ACOT11: variants seen among roughly 807,000 people sequenced by gnomAD.
The protein encoded by ACOT11 is acyl-coenzyme A thioesterase 11.
ACOT11 carries 69 observed loss-of-function variants against 77.5 expected under a neutral mutation model. The ratio of observed to expected loss-of-function variants is 0.89; its 90% CI spans 0.73 to 1.09. The LOEUF is 1.09. Ranked by LOEUF, ACOT11 falls within the 50% of genes least tolerant of loss-of-function variation. The probability of loss-of-function intolerance (pLI) is 0.00; values close to 1 mark genes in which losing one functional copy is unlikely to be tolerated. For missense variants in ACOT11, 766 were observed against 813.7 expected (o/e 0.94, Z 0.71); for synonymous variants, 279 against 313.0 (o/e 0.89, Z 1.15).
chr1:54,617,877 C>T (rs113785018), intron 15 of ACOT11, among the ~76,000 whole-genome samples: 1 of 151,714 alleles, frequency 6.6e-6, no homozygotes, highest in Non-Finnish European at 1.5e-5. Context: ...GTATGCACCA[C>T]CACCATGCAC....
At position 54,594,040 on chromosome 1, in the gene ACOT11, G is replaced by A; in HGVS notation, c.471+1G>A. 6.2e-7 allele frequency: 1 copy of A among 1,612,870 alleles called. No homozygotes were observed. Among genetic ancestry groups the A allele is most frequent in the South Asian group, 1.1e-5 (1 of 91,006 alleles). Reference sequence around the variant, plus strand: ...CGTGGCCCGCCGAGAGATCACCAAGGTAACTGGGTGCGCCTGGCTGCTGGA... The same window carrying A: ...CGTGGCCCGCCGAGAGATCACCAAGATAACTGGGTGCGCCTGGCTGCTGGA... On this transcript the variant is annotated splice_donor_variant, in intron 5 of 15. Transcript: ENST00000343744. LOFTEE classifies it high-confidence loss of function.
intron 16 of ACOT11, among the ~76,000 whole-genome samples, chr1:54,631,769 G>C (rs6692399): frequency 3.9e-3 from 593 of 152,210 alleles, no homozygotes; most frequent in Non-Finnish European, 6.5e-3. Flanking sequence ...TTTATAGCTC[G>C]GTTACAGGAG....
At chr1:54,620,014 G>A (rs61770426) in intron 15 of ACOT11, 2 of 1,612,944 alleles carry the variant, frequency 1.2e-6, no homozygotes, top group African/African-American at 1.3e-5. Flanking sequence ...CAGCCTGGAA[G>A]GAATCCCAAG....
At chr1:54,631,323 T>G (rs973791250) in intron 16 of ACOT11, among the ~76,000 whole-genome samples, 1 of 152,230 alleles carries the variant, frequency 6.6e-6, no homozygotes, top group Non-Finnish European at 1.5e-5. Context: ...CAGCTACATT[T>G]GAGCCTTTTC....
chr1:54,582,379 T>A, intron 1 of ACOT11: 2 of 928,102 alleles, frequency 2.2e-6, no homozygotes, highest in Non-Finnish European at 2.6e-6. Context: ...GATGTCCTCC[T>A]GTGTGCCAGG....
At chr1:54,632,612 A>G (rs1644305751) in intron 16 of ACOT11, among the ~76,000 whole-genome samples, 2 of 152,222 alleles carry the variant, frequency 1.3e-5, no homozygotes, top group Admixed American at 1.3e-4. Flanking sequence ...AAATTAAACG[A>G]ACAGGAGAAT....
At chr1:54,566,141 C>T (rs1279264735) in intron 1 of ACOT11, among the ~76,000 whole-genome samples, 1 of 152,140 alleles carries the variant, frequency 6.6e-6, no homozygotes, top group Non-Finnish European at 1.5e-5. Flanking sequence ...GCAGATTCCT[C>T]CTCCCCACGT....
At chr1:54,625,606 G>A (rs940841981) in intron 15 of ACOT11, among the ~76,000 whole-genome samples, 3 of 152,116 alleles carry the variant, frequency 2.0e-5, no homozygotes, top group Admixed American at 2.0e-4. Context: ...TTAAAGTCTA[G>A]AGGAAATTTC....
chr1:54,624,767 G>A (rs1234448714), intron 15 of ACOT11, among the ~76,000 whole-genome samples: 1 of 152,152 alleles, frequency 6.6e-6, no homozygotes, highest in Non-Finnish European at 1.5e-5. Context: ...GGAGGGCAGA[G>A]GTCAGAGCAG....
rs141768485 is a variant in ACOT11 at position 54,584,668 on chromosome 1, T to C, written c.47T>C (p.Val16Ala). 1 of 1,614,128 alleles carries C rather than the reference T, an allele frequency of 6.2e-7. No individual in the cohort carries two copies. Among genetic ancestry groups the C allele is most frequent in the Non-Finnish European group, 8.5e-7 (1 of 1,180,002 alleles). The change falls in exon 2 of 16, where the codon GTG becomes GCG. Residue 16 changes from valine to alanine, a missense_variant. Transcript: ENST00000343744. This position sits in a 1 kb window ranked among gnomAD's most constrained non-coding sequence, Gnocchi z 6.3. ...CCTGTACCCCAGGGCTTGGCCTCTG[T>C]GTTCTCCAACCGCACATCCCGGAAG... ...GNHLRRGLAS[V>A]FSNRTSRKSA...
rs1236295609 is a variant in ACOT11 at position 54,561,940 on chromosome 1, G to A, written c.33+13598G>A. ...CCCCCCCCCCACCTCCCTCCCGGAC[G>A]GGGCGGCTGGCCGGGCAGAGGGGCT... On this transcript the variant is annotated intron_variant, in intron 1 of 15. Coordinates refer to ENST00000343744, the MANE Select transcript of ACOT11 (RefSeq NM_147161.4). 2.1e-4 allele frequency among the ~76,000 whole-genome samples: 19 copies of A among 92,032 alleles called. 1 individual carries two copies. The highest frequency in any genetic ancestry group is 1.0e-3 in the African/African-American group (14 of 13,940). The allele number at this position is 92,032 out of a possible 152,430, so 60.4% of individuals were successfully genotyped here. A position where few individuals can be genotyped will look rare whatever the true frequency, so the allele number is the denominator to read the frequency against.
chr1:54,626,283 G>C (rs1042977179), intron 15 of ACOT11, among the ~76,000 whole-genome samples: 1 of 151,488 alleles, frequency 6.6e-6, no homozygotes, highest in East Asian at 1.9e-4. Flanking sequence ...AAAAAGAAAA[G>C]AAAAAAGAGA....
intron 3 of ACOT11, among the ~76,000 whole-genome samples, chr1:54,591,055 T>C (rs1028795089): frequency 6.6e-6 from 1 of 150,958 alleles, no homozygotes; most frequent in Non-Finnish European, 1.5e-5. Context: ...ATACACTTTC[T>C]CTCTCTCTCT....
chr1:54,623,476 G>A (rs1041768971), intron 15 of ACOT11: 8 of 1,036,026 alleles, frequency 7.7e-6, no homozygotes, highest in South Asian at 4.1e-5. Context: ...TCCTGTGGGA[G>A]GCAGGAGCTC....
chr1:54,563,114 C>T (rs35166214), intron 1 of ACOT11, among the ~76,000 whole-genome samples: 24,737 of 151,804 alleles, frequency 0.16, 2,446 homozygotes, highest in South Asian at 0.22. Flanking sequence ...CGCTGCCTCC[C>T]GGGCGGCGCT....
intron 15 of ACOT11, among the ~76,000 whole-genome samples, chr1:54,627,287 C>T (rs966234982): frequency 7.4e-6 from 1 of 134,682 alleles, no homozygotes; most frequent in African/African-American, 2.5e-5. Context: ...GGAAAGAGGC[C>T]GGCGAGCCGA....
In ACOT11 at chr1:54,584,900, C is replaced by T. The variant is rs74071863; in HGVS notation, c.241+38C>T. 2 of 1,581,052 alleles carry T rather than the reference C, an allele frequency of 1.3e-6. No homozygotes were observed. The highest frequency in any genetic ancestry group is 8.6e-7 in the Non-Finnish European group (1 of 1,161,996). On this transcript the variant is annotated intron_variant, in intron 2 of 15. Coordinates refer to ENST00000343744, the MANE Select transcript of ACOT11 (RefSeq NM_147161.4). The surrounding 1 kb of genome is among the most constrained non-coding windows in gnomAD (Gnocchi z 6.3). ...TCCCCATGGTTCCCTACCTGCCCCACAGGCCCAGAGCAGGGGCCGTGCTTT... is the reference window on the plus strand; with the variant it reads ...TCCCCATGGTTCCCTACCTGCCCCATAGGCCCAGAGCAGGGGCCGTGCTTT...
intron 1 of ACOT11, among the ~76,000 whole-genome samples, chr1:54,560,290 G>T (rs1277796707): frequency 6.6e-6 from 1 of 152,164 alleles, no homozygotes; most frequent in Non-Finnish European, 1.5e-5. Context: ...GAGGTGATGG[G>T]TTAGGTTGGC....
At chr1:54,561,628 A>G (rs1653490860) in intron 1 of ACOT11, among the ~76,000 whole-genome samples, 1 of 136,040 alleles carries the variant, frequency 7.4e-6, no homozygotes, top group African/African-American at 2.9e-5. Context: ...CACACCTCCC[A>G]GACAGGGTGG....
Sources: gnomAD v4.1 joint callset for allele counts (sites outside exome capture counted in the v4.1 genomes callset) on GRCh38, gnomAD v4.1.1 for gene constraint, Gnocchi (gnomAD v3.1) non-coding constraint, MANE v1.5 for transcripts, NCBI Gene and HGNC (gene_info 2026-07-23, HGNC 2026-07-21) for gene names.